The following ITPR1 variants were observed in gnomAD, a reference collection of about 807,000 sequenced individuals.
ITPR1 encodes inositol 1,4,5-trisphosphate-gated calcium channel ITPR1.
In ITPR1, 96 loss-of-function variants were observed where a neutral mutation model predicts 318.4. The observed-to-expected ratio is 0.30, with a 90% CI of 0.26 to 0.36. ITPR1 has a LOEUF of 0.36. Ranked by LOEUF, ITPR1 falls within the 10% of genes least tolerant of loss-of-function variation. The pLI is 1.00. For synonymous variants in ITPR1, 1,312 were observed against 1,289.9 expected, an observed-to-expected ratio of 1.02 and a Z score of -0.37; for missense variants, 2,440 against 3,460.2, an observed-to-expected ratio of 0.71 and a Z score of 7.40.
intron 44 of ITPR1, among the ~76,000 whole-genome samples, chr3:4,757,285 A>C (rs2045074084): frequency 6.6e-6 from 1 of 152,182 alleles, no homozygotes; most frequent in African/African-American, 2.4e-5. Context: ...TGGTTTTGTT[A>C]ATAATTTATT....
At chr3:4,588,202 C>T (rs1478683935) in intron 4 of ITPR1, among the ~76,000 whole-genome samples, 1 of 152,174 alleles carries the variant, frequency 6.6e-6, no homozygotes, top group Admixed American at 6.5e-5. Flanking sequence ...GAAGTAGATG[C>T]ATACAGTCTT....
At chr3:4,821,004 G>A (rs938307659) in intron 60 of ITPR1, among the ~76,000 whole-genome samples, 23 of 152,192 alleles carry the variant, frequency 1.5e-4, no homozygotes, top group African/African-American at 3.6e-4. Flanking sequence ...CAGTTGGGAT[G>A]AGGCCCCCAC....
intron 9 of ITPR1, 50 bp downstream of exon 9, chr3:4,645,520 C>A: frequency 1.2e-6 from 2 of 1,604,832 alleles, no homozygotes; most frequent in Non-Finnish European, 1.7e-6. Flanking sequence ...TTCTTGGGGG[C>A]AGCAGTCTAA....
intron 40 of ITPR1, among the ~76,000 whole-genome samples, chr3:4,718,695 G>A (rs1559763781): frequency 6.6e-6 from 1 of 152,120 alleles, no homozygotes; most frequent in African/African-American, 2.4e-5. Context: ...TTAATTAGAC[G>A]GGAGCAGGTG....
chr3:4,567,610 T>C (rs1352633547), intron 4 of ITPR1, among the ~76,000 whole-genome samples: 1 of 141,036 alleles, frequency 7.1e-6, no homozygotes, highest in Non-Finnish European at 1.5e-5. Context: ...CTAGTTTTTT[T>C]TGGTTTCTTT....
chr3:4,567,541 G>A (rs999542277), intron 4 of ITPR1, among the ~76,000 whole-genome samples: 5 of 152,112 alleles, frequency 3.3e-5, no homozygotes, highest in East Asian at 1.9e-4. Flanking sequence ...AACCACGTGC[G>A]GTGGGCTTGG....
intron 16 of ITPR1, 46 bp downstream of exon 16, chr3:4,663,252 A>G (rs1411609319): frequency 6.4e-7 from 1 of 1,560,218 alleles, no homozygotes; most frequent in African/African-American, 1.4e-5. Flanking sequence ...ATGAGAAATC[A>G]TAAAGCATGA....
chr3:4,762,379 T>C (rs577282253), intron 44 of ITPR1, among the ~76,000 whole-genome samples: 28 of 152,318 alleles, frequency 1.8e-4, no homozygotes, highest in African/African-American at 6.3e-4. Context: ...TATTGCCCAT[T>C]TTGCAGATGA....
chr3:4,704,385 C>A lies in ITPR1; in HGVS notation c.4657+1435C>A, dbSNP rs567602370. Among the ~76,000 whole-genome samples, 146 of 152,328 alleles carry A rather than the reference C, an allele frequency of 9.6e-4. 1 individual carries two copies. Among genetic ancestry groups the A allele is most frequent in the Middle Eastern group, 3.4e-3 (1 of 294 alleles). ...CGAGATCACGCCGCTGCACTCCAGC[C>A]TGGGCGACAGGAGCGCAACTCTGTC... On this transcript the variant is annotated intron_variant, in intron 36 of 61. Transcript: ENST00000649015.
intron 4 of ITPR1, among the ~76,000 whole-genome samples, chr3:4,621,910 C>G (rs966114999): frequency 6.6e-6 from 1 of 152,160 alleles, no homozygotes; most frequent in Non-Finnish European, 1.5e-5. Flanking sequence ...CCTGATGACC[C>G]TGTAGAAAGT....
intron 60 of ITPR1, among the ~76,000 whole-genome samples, chr3:4,819,993 T>C (rs935304588): frequency 6.6e-6 from 1 of 152,138 alleles, no homozygotes; most frequent in African/African-American, 2.4e-5. Flanking sequence ...CACTCCATAA[T>C]CATGTCGTTG....
chr3:4,516,105 A>T (rs901140583), intron 2 of ITPR1, among the ~76,000 whole-genome samples: 6 of 152,192 alleles, frequency 3.9e-5, no homozygotes, highest in African/African-American at 1.2e-4. Flanking sequence ...AATGTTTCAT[A>T]AGTCAGACTT....
intron 4 of ITPR1, among the ~76,000 whole-genome samples, chr3:4,538,794 C>A (rs904899466): frequency 6.6e-6 from 1 of 152,168 alleles, no homozygotes; most frequent in Admixed American, 6.5e-5. Flanking sequence ...CCAAACATTG[C>A]ATGTTCTCAC....
At chr3:4,790,737 T>G (rs891198984) in intron 52 of ITPR1, among the ~76,000 whole-genome samples, 1 of 152,258 alleles carries the variant, frequency 6.6e-6, no homozygotes, top group Admixed American at 6.5e-5. Context: ...CAGCTAGGAC[T>G]CAGACACGTA....
intron 4 of ITPR1, among the ~76,000 whole-genome samples, chr3:4,571,907 T>G (rs2088043339): frequency 6.6e-6 from 1 of 152,186 alleles, no homozygotes; most frequent in Non-Finnish European, 1.5e-5. Flanking sequence ...TTATGACCCC[T>G]TGTGGCCACA....
intron 4 of ITPR1, among the ~76,000 whole-genome samples, chr3:4,535,210 A>G (rs1191823619): frequency 6.6e-6 from 1 of 152,158 alleles, no homozygotes; most frequent in Admixed American, 6.5e-5. Context: ...TACTTCTTTT[A>G]AAAATGTTAG....
chr3:4,588,063 A>G (rs971845895), intron 4 of ITPR1, among the ~76,000 whole-genome samples: 2 of 152,178 alleles, frequency 1.3e-5, no homozygotes, highest in African/African-American at 4.8e-5. Context: ...CAAAGTCCTC[A>G]AAGACATTTG....
At chr3:4,684,546 A>G (rs1343910344) in intron 29 of ITPR1, among the ~76,000 whole-genome samples, 200 bp downstream of exon 29, 1 of 152,234 alleles carries the variant, frequency 6.6e-6, no homozygotes, top group Middle Eastern at 3.4e-3. Flanking sequence ...TCTACTTATT[A>G]TTTTTGTCCT....
intron 5 of ITPR1, among the ~76,000 whole-genome samples, chr3:4,629,064 C>CTAAGCATGAGACGCG (rs11272465): frequency 1.3e-5 from 2 of 152,178 alleles, no homozygotes; most frequent in East Asian, 1.9e-4. Flanking sequence ...ATGAGGACAC[C>CTAAGCATGAGACGCG]TAAGCTCACT....
Sources: gnomAD v4.1 joint callset for allele counts (sites outside exome capture counted in the v4.1 genomes callset) on GRCh38, gnomAD v4.1.1 for gene constraint, MANE v1.5 for transcripts, NCBI Gene and HGNC (gene_info 2026-07-23, HGNC 2026-07-21) for gene names.